The following SLC10A7 variants were observed in gnomAD, a reference collection of about 807,000 sequenced individuals.
SLC10A7 encodes the protein sodium/bile acid cotransporter 7.
In SLC10A7, 29 loss-of-function variants were observed where a neutral mutation model predicts 43.2. The ratio of observed to expected loss-of-function variants is 0.67; its 90% CI spans 0.50 to 0.92. SLC10A7 has a LOEUF of 0.92. Among genes scored for constraint, SLC10A7 ranks in the 40% least tolerant of loss-of-function variants. The pLI, the probability that SLC10A7 is intolerant of heterozygous loss-of-function variation, is 0.00. For missense variants in SLC10A7, 295 were observed against 403.2 expected (o/e 0.73, Z 2.30); for synonymous variants, 152 against 144.8 (o/e 1.05, Z -0.35).
chr4:146,483,460 A>C (rs1458514533), intron 4 of SLC10A7, among the ~76,000 whole-genome samples: 2 of 143,984 alleles, frequency 1.4e-5, no homozygotes, highest in Non-Finnish European at 3.1e-5. Context: ...CAAAAAAAAA[A>C]CCCTACATCA....
chr4:146,410,910 T>G (rs1728141154), intron 5 of SLC10A7, among the ~76,000 whole-genome samples: 1 of 152,148 alleles, frequency 6.6e-6, no homozygotes, highest in South Asian at 2.1e-4. Context: ...CTCGGCTCAC[T>G]GCAACCTCCG....
intron 5 of SLC10A7, among the ~76,000 whole-genome samples, chr4:146,329,760 T>C (rs1168310599): frequency 1.3e-5 from 2 of 152,158 alleles, no homozygotes; most frequent in Admixed American, 6.5e-5. Context: ...TTTTTGCAAA[T>C]ATCAGTGGTA....
intron 7 of SLC10A7, among the ~76,000 whole-genome samples, chr4:146,299,722 G>A (rs1234891567): frequency 1.3e-5 from 2 of 152,168 alleles, no homozygotes; most frequent in Non-Finnish European, 2.9e-5. Flanking sequence ...CCTTTGAAGA[G>A]TAGAAAAAGA....
chr4:146,384,931 A>G (rs1329723601), intron 5 of SLC10A7, among the ~76,000 whole-genome samples: 1 of 152,150 alleles, frequency 6.6e-6, no homozygotes, highest in East Asian at 1.9e-4. Context: ...CAGAATAATT[A>G]TATAAGAATA....
At chr4:146,380,498 C>T (rs998469418) in intron 5 of SLC10A7, among the ~76,000 whole-genome samples, 1 of 152,182 alleles carries the variant, frequency 6.6e-6, no homozygotes, top group South Asian at 2.1e-4. Flanking sequence ...ATCTTGCCAA[C>T]ATACCTTTTT....
intron 4 of SLC10A7, among the ~76,000 whole-genome samples, chr4:146,477,064 C>T (rs549969628): frequency 6.6e-6 from 1 of 152,312 alleles, no homozygotes; most frequent in African/African-American, 2.4e-5. Context: ...TTATAAACTG[C>T]TCCTAGGAGC....
intron 4 of SLC10A7, among the ~76,000 whole-genome samples, chr4:146,471,618 T>C (rs1733579691): frequency 6.6e-6 from 1 of 152,196 alleles, no homozygotes; most frequent in South Asian, 2.1e-4. Context: ...TAACTGAAAA[T>C]GATAGTTGTT....
chr4:146,494,591 G>C (rs1200875264), intron 4 of SLC10A7, among the ~76,000 whole-genome samples: 1 of 152,174 alleles, frequency 6.6e-6, no homozygotes, highest in Non-Finnish European at 1.5e-5. Context: ...GAGAGGCGTG[G>C]AAAGAAAATC....
At chr4:146,402,064 C>T (rs757226280) in intron 5 of SLC10A7, among the ~76,000 whole-genome samples, 5 of 151,880 alleles carry the variant, frequency 3.3e-5, no homozygotes, top group Non-Finnish European at 7.4e-5. Context: ...GACATGATAC[C>T]CCATTGGTGG....
intron 10 of SLC10A7, among the ~76,000 whole-genome samples, chr4:146,262,338 C>A (rs1451332710): frequency 1.3e-5 from 2 of 151,720 alleles, no homozygotes; most frequent in Non-Finnish European, 2.9e-5. Context: ...TATCTCTTCT[C>A]TAAGGCATCT....
chr4:146,291,219 T>C (rs1235380452), intron 9 of SLC10A7, among the ~76,000 whole-genome samples: 1 of 152,182 alleles, frequency 6.6e-6, no homozygotes, highest in Non-Finnish European at 1.5e-5. Flanking sequence ...TTTTCTAAGG[T>C]GATATAACAA....
intron 5 of SLC10A7, among the ~76,000 whole-genome samples, chr4:146,394,855 T>C (rs756732172): frequency 2.2e-4 from 34 of 152,224 alleles, no homozygotes; most frequent in Admixed American, 4.6e-4. Flanking sequence ...TTCTTATTCA[T>C]ATGGTATAAA....
chr4:146,508,397 A>G (rs1476335076), intron 3 of SLC10A7, among the ~76,000 whole-genome samples: 1 of 152,206 alleles, frequency 6.6e-6, no homozygotes, highest in South Asian at 2.1e-4. Flanking sequence ...GATATGCATA[A>G]TACATTTTTG....
intron 5 of SLC10A7, among the ~76,000 whole-genome samples, chr4:146,437,204 T>C (rs1730281797): frequency 6.6e-6 from 1 of 152,122 alleles, no homozygotes. Context: ...AATGGTATTT[T>C]TAAAACAGAA....
intron 4 of SLC10A7, among the ~76,000 whole-genome samples, chr4:146,465,665 C>T (rs1339084671): frequency 1.3e-5 from 2 of 152,088 alleles, no homozygotes; most frequent in African/African-American, 2.4e-5. Context: ...CCTATTACAT[C>T]AAATTATTCA....
At chr4:146,477,657 T>G (rs893543272) in intron 4 of SLC10A7, among the ~76,000 whole-genome samples, 60 of 152,078 alleles carry the variant, frequency 3.9e-4, no homozygotes, top group African/African-American at 1.3e-3. Flanking sequence ...AAGAAAGAGG[T>G]CAACTATTAA....
At chr4:146,491,608 A>G (rs954765747) in intron 4 of SLC10A7, among the ~76,000 whole-genome samples, 5 of 150,724 alleles carry the variant, frequency 3.3e-5, no homozygotes, top group African/African-American at 9.7e-5. Flanking sequence ...AAGTAATTAT[A>G]TTTTGGAAAA....
In SLC10A7 at chr4:146,304,999, T is replaced by C. The variant is rs183705416; in HGVS notation, c.555+927A>G. Among the ~76,000 whole-genome samples the C allele has an allele frequency of 7.0e-3, 1,059 of 152,094 alleles. 14 individuals are homozygous for C. The highest frequency in any genetic ancestry group is 0.024 in the African/African-American group (1,001 of 41,468). ...GTGGGACTGTAAACTAGTTCAACCA[T>C]TGTGGAAGTCAGTGTGGCGATTCCT... On this transcript the variant is annotated intron_variant, in intron 7 of 11. Transcript: ENST00000335472.
At chr4:146,328,666 A>G (rs1039382211) in intron 5 of SLC10A7, among the ~76,000 whole-genome samples, 3 of 152,104 alleles carry the variant, frequency 2.0e-5, no homozygotes, top group Non-Finnish European at 4.4e-5. Context: ...CTATCCCCCA[A>G]AATGCCTCAC....
Sources: allele counts gnomAD v4.1 joint callset (sites outside exome capture counted in the v4.1 genomes callset), GRCh38; gene constraint gnomAD v4.1.1; transcripts MANE v1.5; gene names NCBI Gene and HGNC (gene_info 2026-07-23, HGNC 2026-07-21).